Variants in ATP6V1E1 observed in about 807,000 individuals in gnomAD.
ATP6V1E1 encodes V-type proton ATPase subunit E 1.
In ATP6V1E1, 21 loss-of-function variants were observed where a neutral mutation model predicts 35.2. That is an observed-to-expected ratio of 0.60 (90% confidence interval 0.42 to 0.86). The LOEUF is 0.86. Among genes scored for constraint, ATP6V1E1 ranks in the 40% least tolerant of loss-of-function variants. The pLI, the probability that ATP6V1E1 is intolerant of heterozygous loss-of-function variation, is 0.00. For missense variants in ATP6V1E1, 183 were observed against 272.6 expected, an observed-to-expected ratio of 0.67 and a Z score of 2.32; for synonymous variants, 83 against 87.8, an observed-to-expected ratio of 0.95 and a Z score of 0.30.
intron 4 of ATP6V1E1, among the ~76,000 whole-genome samples, chr22:17,607,778 G>A (rs557936800): frequency 6.6e-6 from 1 of 152,204 alleles, no homozygotes; most frequent in South Asian, 2.1e-4. Flanking sequence ...GCTGACTCCT[G>A]ACTAGAATAT....
At chr22:17,626,184 G>GT (rs1277752624) in intron 1 of ATP6V1E1, among the ~76,000 whole-genome samples, 3 of 151,684 alleles carry the variant, frequency 2.0e-5, no homozygotes, top group East Asian at 3.9e-4. Flanking sequence ...GCGGGCGCCT[G>GT]TAAGTCCCAG....
At position 17,613,262 on chromosome 22, in the gene ATP6V1E1, A is replaced by G. The variant is rs767395917; in HGVS notation, c.158T>C (p.Ile53Thr). 7 of 1,613,084 alleles carry G rather than the reference A, an allele frequency of 4.3e-6. No individual in the cohort carries two copies. The highest frequency in any genetic ancestry group is 4.2e-6 in the Non-Finnish European group (5 of 1,179,848). ...CTCTTTCTTCTCATAATATTCCATA[A>G]TCTTTAGTCTTTGGGTTTGCACAAG... ...GRLVQTQRLK[I>T]MEYYEKKEKQ... Residue 53 changes from isoleucine to threonine, a missense_variant, in exon 3 of 9, where the codon ATT becomes ACT. By Grantham distance (89) the Ile-to-Thr change is moderately conservative (BLOSUM62 -1). Transcript: ENST00000253413.
intron 6 of ATP6V1E1, among the ~76,000 whole-genome samples, chr22:17,599,737 T>G (rs1243368225): frequency 2.0e-5 from 3 of 149,488 alleles, no homozygotes. Context: ...CTGGCCAACA[T>G]GGTGAAACCC....
At chr22:17,594,771 T>G in intron 7 of ATP6V1E1, 155 bp from the exon 8 acceptor site, 1 of 541,452 alleles carries the variant, frequency 1.8e-6, no homozygotes, top group Non-Finnish European at 3.0e-6. Flanking sequence ...CTTCTGAAGA[T>G]GTAACGCACA....
At chr22:17,592,781 G>A (rs955792306) in intron 8 of ATP6V1E1, 45 bp from the exon 9 acceptor site, 1 of 1,062,482 alleles carries the variant, frequency 9.4e-7, no homozygotes, top group Non-Finnish European at 1.4e-6. Context: ...AGCTGAAGAA[G>A]TTGTAGAGCG....
At chr22:17,600,378 AG>A (rs1387916410) in intron 5 of ATP6V1E1, among the ~76,000 whole-genome samples, 1 of 152,170 alleles carries the variant, frequency 6.6e-6, no homozygotes, top group African/African-American at 2.4e-5. Flanking sequence ...CGGAGGTTGA[AG>A]TAAACAGAGA....
chr22:17,620,272 C>T (rs5992762), intron 1 of ATP6V1E1, among the ~76,000 whole-genome samples: 14,084 of 151,728 alleles, frequency 0.093, 701 homozygotes, highest in African/African-American at 0.12. Context: ...CTCAGCCTCC[C>T]GAGTAGCTGG....
chr22:17,601,607 T>TTTTG (rs762892487), intron 4 of ATP6V1E1, among the ~76,000 whole-genome samples: 2 of 152,258 alleles, frequency 1.3e-5, no homozygotes, highest in South Asian at 4.2e-4. Context: ...ATAATTTCAA[T>TTTTG]TTTGTTTGTT....
chr22:17,624,928 A>G (rs2057896265), intron 1 of ATP6V1E1, among the ~76,000 whole-genome samples: 1 of 152,202 alleles, frequency 6.6e-6, no homozygotes, highest in Admixed American at 6.5e-5. Flanking sequence ...ACAAGGAGGG[A>G]AGAAAGGGAA....
chr22:17,619,372 G>C (rs2057863729), intron 2 of ATP6V1E1, 89 bp downstream of exon 2: 9 of 1,125,864 alleles, frequency 8.0e-6, no homozygotes, highest in Admixed American at 2.3e-5. Flanking sequence ...GCAATCTGTT[G>C]TTAAGCAGTT....
At position 17,619,472 on chromosome 22, in the gene ATP6V1E1, T is replaced by G; in HGVS notation, c.88A>C (p.Ile30Leu). 1 of 1,605,196 alleles carries G rather than the reference T, an allele frequency of 6.2e-7. No homozygotes were observed. Among genetic ancestry groups the G allele is most frequent in the Non-Finnish European group, 8.5e-7 (1 of 1,175,972 alleles). ...AAAATGAATCTCACCTTTGCATCTA[T>G]TTCTTCTGCTTTCTCATTGGCTTCT... ...EQEANEKAEE[I>L]DAKAEEEFNI... Residue 30 changes from isoleucine (I) to leucine (L), a missense_variant, in exon 2 of 9, where the codon ATA becomes CTA. Coordinates refer to ENST00000253413, the MANE Select transcript of ATP6V1E1 (RefSeq NM_001696.4).
Position 17,617,588 on chromosome 22 carries a change from C to T in ATP6V1E1, c.99+1873G>A, listed in dbSNP as rs117046885. On this transcript the variant is annotated intron_variant, in intron 2 of 8. Coordinates refer to ENST00000253413, the MANE Select transcript of ATP6V1E1 (RefSeq NM_001696.4). Reference sequence around the variant, plus strand: ...GGATTACAGGTGTGAGCCACCGCCCCGGCCATATTTTGGTAATATTTTTAA... The same window carrying T: ...GGATTACAGGTGTGAGCCACCGCCCTGGCCATATTTTGGTAATATTTTTAA... Among the ~76,000 whole-genome samples the T allele has an allele frequency of 1.3e-3, 190 of 151,996 alleles. 3 individuals carry two copies. The East Asian group carries it at 0.035, about 28-fold the overall frequency.
intron 6 of ATP6V1E1, 103 bp downstream of exon 6, chr22:17,599,924 A>G: frequency 1.8e-6 from 1 of 554,366 alleles, no homozygotes; most frequent in Non-Finnish European, 2.7e-6. Context: ...AGACTCCACC[A>G]AAAAAAAAAG....
chr22:17,614,926 G>C (rs890245803), intron 2 of ATP6V1E1, among the ~76,000 whole-genome samples: 4 of 150,404 alleles, frequency 2.7e-5, no homozygotes, highest in African/African-American at 7.4e-5. Context: ...CCGAGATCGC[G>C]CCTGGGCAGC....
intron 1 of ATP6V1E1, among the ~76,000 whole-genome samples, chr22:17,627,618 A>T (rs2057920964): frequency 6.6e-6 from 1 of 150,990 alleles, no homozygotes; most frequent in Non-Finnish European, 1.5e-5. Context: ...CAGGAGTTCA[A>T]GACCAGCCAG....
At chr22:17,599,945 A>G in intron 6 of ATP6V1E1, 82 bp downstream of exon 6, 3 of 1,071,418 alleles carry the variant, frequency 2.8e-6, no homozygotes, top group Admixed American at 2.2e-5. Flanking sequence ...AAAAGGAAGG[A>G]AGGAAGGAAA....
At chr22:17,609,625 C>T (rs865888241) in intron 4 of ATP6V1E1, among the ~76,000 whole-genome samples, 10 of 151,972 alleles carry the variant, frequency 6.6e-5, no homozygotes, top group Middle Eastern at 3.4e-3. Context: ...CCCACCACCA[C>T]GCCCGGCTAA....
chr22:17,593,100 A>G (rs2057713381), intron 8 of ATP6V1E1, among the ~76,000 whole-genome samples: 1 of 152,188 alleles, frequency 6.6e-6, no homozygotes, highest in South Asian at 2.1e-4. Context: ...AGTGCTGCAC[A>G]TCTTAACCAC....
At chr22:17,616,034 AAAACAAAC>A (rs147264574) in intron 2 of ATP6V1E1, among the ~76,000 whole-genome samples, 3 of 147,756 alleles carry the variant, frequency 2.0e-5, no homozygotes, top group African/African-American at 7.7e-5. Context: ...TCCATCTCAA[AAAACAAAC>A]AAACAAACAA....
Sources: gnomAD v4.1 joint callset for allele counts (sites outside exome capture counted in the v4.1 genomes callset) on GRCh38, gnomAD v4.1.1 for gene constraint, MANE v1.5 for transcripts, NCBI Gene and HGNC (gene_info 2026-07-23, HGNC 2026-07-21) for gene names.